Variants in ESRRG observed in about 807,000 individuals in gnomAD.
ESRRG encodes the protein estrogen-related receptor gamma.
A neutral mutation model predicts 44.0 loss-of-function variants in ESRRG; 13 were observed. That is an observed-to-expected ratio of 0.30 (90% CI 0.19 to 0.47). The LOEUF is 0.47. ESRRG is among the 20% of genes least tolerant of loss of function. The pLI is 1.00. For synonymous variants in ESRRG, 215 were observed against 214.6 expected (o/e 1.00, Z -0.02); for missense variants, 395 against 580.6 (o/e 0.68, Z 3.29).
chr1:216,856,352 AACACACAC>A (rs5780935), intron 2 of ESRRG, among the ~76,000 whole-genome samples: 1,428 of 141,976 alleles, frequency 0.01, 21 homozygotes, highest in African/African-American at 0.033. Flanking sequence ...TTCTCTCTTC[AACACACAC>A]ACACACACAC....
intron 2 of ESRRG, among the ~76,000 whole-genome samples, chr1:216,801,401 C>T (rs538484987): frequency 1.3e-5 from 2 of 152,130 alleles, no homozygotes; most frequent in African/African-American, 2.4e-5. Flanking sequence ...TGACCTACTA[C>T]TACCTACCCC....
Position 217,026,912 on chromosome 1 carries a change from C to CACACACACACAGAGAG in ESRRG, c.-106+62594_-106+62595insCTCTCTGTGTGTGTGT, listed in dbSNP as rs1255637839. ...ATACACACACACACACACACACACA[C>CACACACACACAGAGAG]AGAGAGAGAGAGAGAGAGAGAGAGA... On this transcript the variant is annotated intron_variant, in intron 1 of 7. Coordinates refer to the ESRRG transcript ENST00000359162. Among the ~76,000 whole-genome samples, 264 of 93,458 alleles carry CACACACACACAGAGAG rather than the reference C, an allele frequency of 2.8e-3. 1 individual carries two copies. The highest frequency in any genetic ancestry group is 8.2e-3 in the African/African-American group (203 of 24,880). 61.3% of individuals were successfully genotyped at this position (93,458 alleles called of 152,430 possible). A position where few individuals can be genotyped will look rare whatever the true frequency, so the allele number is the denominator to read the frequency against.
chr1:217,010,638 G>A (rs1196151595), intron 1 of ESRRG, among the ~76,000 whole-genome samples: 1 of 152,176 alleles, frequency 6.6e-6, no homozygotes, highest in East Asian at 1.9e-4. Flanking sequence ...CCTTGTCAGA[G>A]GTTATCTTTT....
At chr1:217,048,925 C>T (rs1333876144) in intron 1 of ESRRG, among the ~76,000 whole-genome samples, 3 of 152,134 alleles carry the variant, frequency 2.0e-5, no homozygotes, top group Admixed American at 6.5e-5. Flanking sequence ...TGTGAAAACC[C>T]TTCCCATGTC....
At chr1:216,839,917 G>A (rs2095625293) in intron 2 of ESRRG, among the ~76,000 whole-genome samples, 2 of 152,198 alleles carry the variant, frequency 1.3e-5, no homozygotes, top group African/African-American at 4.8e-5. Flanking sequence ...CATTGATAGA[G>A]CACAGGCAGA....
At chr1:216,779,203 A>AT (rs1386655166) in intron 2 of ESRRG, among the ~76,000 whole-genome samples, 1 of 58,140 alleles carries the variant, frequency 1.7e-5, no homozygotes, top group Non-Finnish European at 3.0e-5. Flanking sequence ...TTATATTTAT[A>AT]AATATAAATA....
At chr1:216,886,317 C>T (rs1010153364) in intron 2 of ESRRG, among the ~76,000 whole-genome samples, 2 of 152,158 alleles carry the variant, frequency 1.3e-5, no homozygotes, top group African/African-American at 4.8e-5. Context: ...TAAAACAATT[C>T]CAGATCTCCT....
chr1:216,943,458 C>T (rs2065576596), intron 1 of ESRRG, among the ~76,000 whole-genome samples: 1 of 152,138 alleles, frequency 6.6e-6, no homozygotes, highest in African/African-American at 2.4e-5. Flanking sequence ...AATAGATATT[C>T]CAATAAAAGG....
chr1:217,088,917 G>C (rs1254581222), intron 1 of ESRRG, among the ~76,000 whole-genome samples: 1 of 152,006 alleles, frequency 6.6e-6, no homozygotes, highest in Admixed American at 6.6e-5. Flanking sequence ...AATGATGATC[G>C]GGTGACCTCC....
chr1:217,015,189 A>C (rs1281581465), intron 1 of ESRRG, among the ~76,000 whole-genome samples: 1 of 152,184 alleles, frequency 6.6e-6, no homozygotes, highest in Non-Finnish European at 1.5e-5. Flanking sequence ...GGATTTCTGA[A>C]AATAGTGCAG....
At chr1:216,835,483 G>A (rs78732290) in intron 2 of ESRRG, among the ~76,000 whole-genome samples, 5,147 of 152,244 alleles carry the variant, frequency 0.034, 98 homozygotes, top group Middle Eastern at 0.058. Flanking sequence ...TGTTACAGGC[G>A]CACACTCCCA....
chr1:216,805,451 C>T (rs1190914947), intron 2 of ESRRG: 1 of 152,114 alleles, frequency 6.6e-6, no homozygotes, highest in Non-Finnish European at 1.5e-5. Flanking sequence ...GAGCTCTGTT[C>T]CATTGCATCA....
Position 216,682,611 on chromosome 1 carries a change from A to C in ESRRG, c.57-5120T>G, listed in dbSNP as rs959676972. On this transcript the variant is annotated intron_variant, in intron 1 of 6. Coordinates refer to ENST00000408911, the MANE Select transcript of ESRRG (RefSeq NM_001438.4). ...TCACTACTGATTCAAAACAAAAATG[A>C]ATCTATGGGGACTGGTTGATTTTCT... 4.6e-5 allele frequency among the ~76,000 whole-genome samples: 7 copies of C among 152,150 alleles called. No homozygotes were observed. In the East Asian group the frequency reaches 1.4e-3, roughly 29 times the overall value.
At chr1:216,803,000 G>A (rs2094672500) in intron 2 of ESRRG, among the ~76,000 whole-genome samples, 1 of 152,148 alleles carries the variant, frequency 6.6e-6, no homozygotes, top group African/African-American at 2.4e-5. Context: ...CTATGGGTTC[G>A]TGTTTGCCTG....
At chr1:216,954,057 T>C (rs900013829) in intron 1 of ESRRG, among the ~76,000 whole-genome samples, 1 of 152,142 alleles carries the variant, frequency 6.6e-6, no homozygotes, top group Non-Finnish European at 1.5e-5. Context: ...TTTTCAATTG[T>C]TAAAGAGAAG....
chr1:217,029,190 G>C (rs1256454356), intron 1 of ESRRG, among the ~76,000 whole-genome samples: 1 of 152,222 alleles, frequency 6.6e-6, no homozygotes, highest in Non-Finnish European at 1.5e-5. Flanking sequence ...ACATGTACTA[G>C]CTAATGAAGT....
At chr1:216,927,418 G>A (rs1024765601) in intron 2 of ESRRG, among the ~76,000 whole-genome samples, 46 of 152,200 alleles carry the variant, frequency 3.0e-4, no homozygotes, top group African/African-American at 1.1e-3. Context: ...GGCGTTCTTG[G>A]CCTGAGGGAG....
At chr1:217,056,301 A>G (rs1003231349) in intron 1 of ESRRG, among the ~76,000 whole-genome samples, 6 of 151,908 alleles carry the variant, frequency 3.9e-5, no homozygotes, top group Admixed American at 3.9e-4. Context: ...TGGCCAATAC[A>G]CTCAACCAGA....
chr1:216,600,380 T>C (rs143987093), intron 3 of ESRRG, among the ~76,000 whole-genome samples: 1,878 of 152,214 alleles, frequency 0.012, 42 homozygotes, highest in African/African-American at 0.043. Context: ...ATTCATCGAT[T>C]GTTAACAAAT....
Sources: allele counts gnomAD v4.1 joint callset (sites outside exome capture counted in the v4.1 genomes callset), GRCh38; gene constraint gnomAD v4.1.1; transcripts MANE v1.5; gene names NCBI Gene and HGNC (gene_info 2026-07-23, HGNC 2026-07-21).